Variants in HLF observed in about 807,000 individuals in gnomAD.
The protein encoded by HLF is hepatic leukemia factor.
HLF carries 3 observed loss-of-function variants against 22.6 expected under a neutral mutation model. That is an observed-to-expected ratio of 0.13 (90% CI 0.06 to 0.34). HLF has a LOEUF of 0.34. Among genes scored for constraint, HLF ranks in the 10% least tolerant of loss-of-function variants. HLF has a pLI of 1.00. For missense variants in HLF, 299 were observed against 389.2 expected (o/e 0.77, Z 1.95); for synonymous variants, 151 against 151.8 (o/e 0.99, Z 0.04).
intron 2 of HLF, among the ~76,000 whole-genome samples, chr17:55,302,593 G>A (rs1488633095): frequency 1.3e-5 from 2 of 152,134 alleles, no homozygotes; most frequent in African/African-American, 4.8e-5. Context: ...GAACATCAGC[G>A]AATATTGTCG....
chr17:55,302,881 G>C (rs1378741210), intron 2 of HLF, among the ~76,000 whole-genome samples: 1 of 152,230 alleles, frequency 6.6e-6, no homozygotes, highest in Non-Finnish European at 1.5e-5. Context: ...TGCTGGAGAA[G>C]GTAGCCCATC....
chr17:55,324,919 A>C lies in HLF; in HGVS notation c.*4040A>C, dbSNP rs1376687049. Reference sequence around the variant, plus strand: ...TCCATTATCCTTTTGGCAACACCACAAAGATCGCATCTGTTAAACAGGTAC... The same window carrying C: ...TCCATTATCCTTTTGGCAACACCACCAAGATCGCATCTGTTAAACAGGTAC... On this transcript the variant is annotated 3_prime_UTR_variant, in exon 4 of 4. Coordinates refer to ENST00000226067, the MANE Select transcript of HLF (RefSeq NM_002126.5). 4.3e-6 allele frequency: 1 copy of C among 231,658 alleles called. No individual in the cohort carries two copies. The highest frequency in any genetic ancestry group is 8.6e-6 in the Non-Finnish European group (1 of 116,838). The allele number at this position is 231,658 out of a possible 1,614,324, so 14.4% of individuals were successfully genotyped here.
At chr17:55,275,787 G>A (rs953938544) in intron 2 of HLF, among the ~76,000 whole-genome samples, 2 of 152,158 alleles carry the variant, frequency 1.3e-5, no homozygotes, top group Admixed American at 6.5e-5. Flanking sequence ...TAGTAGCCAA[G>A]CCTTTACCAT....
At chr17:55,302,662 AAGG>A (rs1306869289) in intron 2 of HLF, among the ~76,000 whole-genome samples, 1 of 152,160 alleles carries the variant, frequency 6.6e-6, no homozygotes, top group Non-Finnish European at 1.5e-5. Flanking sequence ...ATGTAGCCCA[AAGG>A]AGAATAGTCA....
intron 2 of HLF, among the ~76,000 whole-genome samples, chr17:55,307,830 T>TAAA (rs11383235): frequency 8.8e-5 from 12 of 136,134 alleles, no homozygotes; most frequent in African/African-American, 3.0e-4. Context: ...ATAAATATTG[T>TAAA]AAAAAAAAAA....
intron 3 of HLF, among the ~76,000 whole-genome samples, chr17:55,319,834 A>G (rs1300107459): frequency 6.6e-6 from 1 of 152,150 alleles, no homozygotes; most frequent in Non-Finnish European, 1.5e-5. Flanking sequence ...GCCTCTGCCA[A>G]TCCCCCTTCT....
intron 2 of HLF, among the ~76,000 whole-genome samples, chr17:55,307,576 A>G (rs1048938232): frequency 1.3e-5 from 2 of 152,114 alleles, no homozygotes; most frequent in African/African-American, 4.8e-5. Flanking sequence ...ATTATAGACA[A>G]TTTGCAAAAT....
chr17:55,317,017 GAGT>G (rs1455483818), intron 3 of HLF, among the ~76,000 whole-genome samples: 1 of 146,366 alleles, frequency 6.8e-6, no homozygotes, highest in Non-Finnish European at 1.5e-5. Flanking sequence ...GCCCAGGCTG[GAGT>G]GCAGTGGCAC....
chr17:55,269,935 A>G (rs2080837033), intron 2 of HLF, among the ~76,000 whole-genome samples: 8 of 152,210 alleles, frequency 5.3e-5, no homozygotes, highest in Admixed American at 3.9e-4. Flanking sequence ...GATGTGTACC[A>G]TGTTAGGAAT....
chr17:55,282,775 A>G (rs2080965653), intron 2 of HLF, among the ~76,000 whole-genome samples: 1 of 152,196 alleles, frequency 6.6e-6, no homozygotes, highest in East Asian at 1.9e-4. Context: ...GTGAATGTCT[A>G]AAAAAATTTA....
At chr17:55,304,601 G>A (rs1392820465) in intron 2 of HLF, among the ~76,000 whole-genome samples, 1 of 152,208 alleles carries the variant, frequency 6.6e-6, no homozygotes, top group African/African-American at 2.4e-5. Context: ...AGTCTAGTCT[G>A]GGCCACTTTG....
intron 2 of HLF, among the ~76,000 whole-genome samples, chr17:55,296,277 AGT>A (rs1453760154): frequency 6.6e-6 from 1 of 152,220 alleles, no homozygotes; most frequent in Non-Finnish European, 1.5e-5. Flanking sequence ...GAGAATTACC[AGT>A]GATTTTTTTA....
In HLF at chr17:55,321,209, ACTCCTGCCTC is replaced by A; in HGVS notation, c.*334_*343del. The A allele has an allele frequency of 7.0e-6, 2 of 283,770 alleles. No homozygotes were observed. Among genetic ancestry groups the A allele is most frequent in the South Asian group, 1.6e-4 (2 of 12,128 alleles). 17.6% of individuals were successfully genotyped at this position (283,770 alleles called of 1,614,324 possible). Reference sequence around the variant, plus strand: ...GGGTCTCCCATCCCCTCCCTCCTTCACTCCTGCCTCCTCAGCTTTGCTTCATGTTCGAGCT... The same window carrying A: ...GGGTCTCCCATCCCCTCCCTCCTTCACTCAGCTTTGCTTCATGTTCGAGCT... On this transcript the variant is annotated 3_prime_UTR_variant, in exon 4 of 4. Transcript: ENST00000226067.
At chr17:55,298,683 G>T (rs1740566069) in intron 2 of HLF, among the ~76,000 whole-genome samples, 1 of 152,192 alleles carries the variant, frequency 6.6e-6, no homozygotes, top group African/African-American at 2.4e-5. Context: ...CTATAAATAT[G>T]TGTGAAAATT....
intron 2 of HLF, among the ~76,000 whole-genome samples, chr17:55,282,158 C>T (rs1448072823): frequency 2.0e-5 from 3 of 152,190 alleles, no homozygotes; most frequent in Non-Finnish European, 4.4e-5. Flanking sequence ...TGTGCCTACT[C>T]GGATTGTCAC....
intron 2 of HLF, among the ~76,000 whole-genome samples, chr17:55,314,781 A>C (rs1904998199): frequency 6.6e-6 from 1 of 152,144 alleles, no homozygotes; most frequent in Admixed American, 6.5e-5. Context: ...CCATTTCCTC[A>C]CACTGTGGAA....
chr17:55,307,420 T>TGGCCTC (rs1217779093), intron 2 of HLF, among the ~76,000 whole-genome samples: 1 of 151,612 alleles, frequency 6.6e-6, no homozygotes, highest in African/African-American at 2.4e-5. Context: ...CTGCCTGCCT[T>TGGCCTC]GGCCTCCCAA....
intron 2 of HLF, among the ~76,000 whole-genome samples, chr17:55,277,235 A>ATGTG (rs1567813072): frequency 1.3e-3 from 24 of 19,138 alleles, no homozygotes; most frequent in Admixed American, 9.8e-3. Flanking sequence ...ACCAGATGTT[A>ATGTG]TGTGTATGTG....
intron 2 of HLF, 73 bp downstream of exon 2, chr17:55,268,159 A>G (rs1018736087): frequency 5.5e-5 from 61 of 1,109,482 alleles, no homozygotes; most frequent in Middle Eastern, 2.3e-4. Flanking sequence ...TAGAGTTAGC[A>G]TAAACATCTT....
Sources: gnomAD v4.1 joint callset for allele counts (sites outside exome capture counted in the v4.1 genomes callset) on GRCh38, gnomAD v4.1.1 for gene constraint, MANE v1.5 for transcripts, NCBI Gene and HGNC (gene_info 2026-07-23, HGNC 2026-07-21) for gene names.